Variants in EIF3H observed in about 807,000 individuals in gnomAD.
EIF3H encodes eukaryotic translation initiation factor 3 subunit H, also known as eIF-3-gamma.
EIF3H carries 26 observed loss-of-function variants against 44.2 expected under a neutral mutation model. That is an observed-to-expected ratio of 0.59 (90% confidence interval 0.43 to 0.82). The LOEUF (loss-of-function observed/expected upper bound fraction) is 0.82. Ranked by LOEUF, EIF3H falls within the 40% of genes least tolerant of loss-of-function variation. EIF3H has a pLI of 0.00. For synonymous variants in EIF3H, 166 were observed against 151.9 expected (o/e 1.09, Z -0.68); for missense variants, 359 against 432.8 (o/e 0.83, Z 1.51).
intron 1 of EIF3H, among the ~76,000 whole-genome samples, chr8:116,743,938 A>G (rs964920998): frequency 3.3e-5 from 5 of 151,888 alleles, no homozygotes; most frequent in Non-Finnish European, 7.4e-5. Flanking sequence ...CATTGAGAAG[A>G]TAACTTAGTC....
intron 5 of EIF3H, among the ~76,000 whole-genome samples, chr8:116,651,244 CAT>C (rs76010279): frequency 0.1 from 15,463 of 151,992 alleles, 1,166 homozygotes; most frequent in East Asian, 0.42. Context: ...GGTGGCAGAG[CAT>C]AGAGAAAAGT....
intron 2 of EIF3H, among the ~76,000 whole-genome samples, chr8:116,676,294 G>C (rs1390879625): frequency 6.6e-6 from 1 of 152,226 alleles, no homozygotes; most frequent in Non-Finnish European, 1.5e-5. Flanking sequence ...CTGCTATAAA[G>C]AACTGCCTGA....
At chr8:116,676,862 T>G (rs1035971876) in intron 2 of EIF3H, among the ~76,000 whole-genome samples, 1 of 152,202 alleles carries the variant, frequency 6.6e-6, no homozygotes, top group Non-Finnish European at 1.5e-5. Flanking sequence ...TGTCTTGTTT[T>G]GTCTACATTT....
chr8:116,721,946 T>C (rs1055820678), intron 2 of EIF3H, among the ~76,000 whole-genome samples: 5 of 152,206 alleles, frequency 3.3e-5, no homozygotes, highest in African/African-American at 7.2e-5. Flanking sequence ...CTGTGGACTT[T>C]TGAGTTAATG....
At chr8:116,648,216 T>C (rs936009918) in intron 6 of EIF3H, among the ~76,000 whole-genome samples, 1 of 152,204 alleles carries the variant, frequency 6.6e-6, no homozygotes, top group Non-Finnish European at 1.5e-5. Flanking sequence ...TAGAGCAGTA[T>C]AGTCCAAATA....
intron 1 of EIF3H, among the ~76,000 whole-genome samples, chr8:116,728,686 C>A (rs1398410335): frequency 1.3e-5 from 2 of 152,110 alleles, no homozygotes; most frequent in Admixed American, 1.3e-4. Flanking sequence ...CCTACACATT[C>A]CTGTATGAAA....
At chr8:116,743,844 A>G (rs1815183594) in intron 1 of EIF3H, among the ~76,000 whole-genome samples, 1 of 147,972 alleles carries the variant, frequency 6.8e-6, no homozygotes, top group Middle Eastern at 3.6e-3. Context: ...ACACATATAT[A>G]AATAAGTTGG....
intron 1 of EIF3H, among the ~76,000 whole-genome samples, chr8:116,752,881 AG>A (rs1815383411): frequency 6.6e-6 from 1 of 151,874 alleles, no homozygotes; most frequent in Non-Finnish European, 1.5e-5. Flanking sequence ...GAAGAGTTTA[AG>A]GAAGGAGTTT....
At chr8:116,647,342 C>T (rs1813320848) in intron 6 of EIF3H, among the ~76,000 whole-genome samples, 1 of 152,184 alleles carries the variant, frequency 6.6e-6, no homozygotes, top group Non-Finnish European at 1.5e-5. Context: ...CCTCGTGATC[C>T]ACCCGCCTCG....
intron 2 of EIF3H, among the ~76,000 whole-genome samples, chr8:116,681,435 G>A (rs535911366): frequency 2.0e-5 from 3 of 152,184 alleles, no homozygotes; most frequent in Admixed American, 6.5e-5. Flanking sequence ...GGGAGGTCGA[G>A]GCGGGCGGAT....
chr8:116,679,438 G>A (rs1586451071), intron 2 of EIF3H, among the ~76,000 whole-genome samples: 4 of 51,798 alleles, frequency 7.7e-5, no homozygotes, highest in Non-Finnish European at 1.2e-4. Flanking sequence ...CTGGCCAGCC[G>A]CCCCGTCCGG....
intron 1 of EIF3H, among the ~76,000 whole-genome samples, chr8:116,729,532 C>T (rs1367321549): frequency 6.6e-6 from 1 of 152,098 alleles, no homozygotes; most frequent in Admixed American, 6.6e-5. Context: ...TAGAATACAG[C>T]GCTCCAAGTA....
chr8:116,713,909 T>C (rs1814616508), intron 2 of EIF3H, among the ~76,000 whole-genome samples: 1 of 152,114 alleles, frequency 6.6e-6, no homozygotes, highest in Non-Finnish European at 1.5e-5. Flanking sequence ...GCATACATAA[T>C]GCTTCTAAAA....
intron 2 of EIF3H, among the ~76,000 whole-genome samples, chr8:116,720,531 G>C (rs1356579070): frequency 6.6e-6 from 1 of 152,148 alleles, no homozygotes; most frequent in African/African-American, 2.4e-5. Context: ...GACTAATACA[G>C]TAAATTGGTA....
chr8:116,702,416 T>C (rs1041208948), intron 2 of EIF3H, among the ~76,000 whole-genome samples: 1 of 152,228 alleles, frequency 6.6e-6, no homozygotes, highest in African/African-American at 2.4e-5. Flanking sequence ...AATCATTTCC[T>C]ATACCAGTCA....
chr8:116,744,196 T>G (rs1586490249), intron 1 of EIF3H, among the ~76,000 whole-genome samples: 1 of 135,040 alleles, frequency 7.4e-6, no homozygotes, highest in African/African-American at 2.8e-5. Flanking sequence ...CAGGGAGAGG[T>G]GGAAACATAG....
chr8:116,740,129 T>C (rs1815106130), intron 1 of EIF3H, among the ~76,000 whole-genome samples: 1 of 152,194 alleles, frequency 6.6e-6, no homozygotes, highest in Non-Finnish European at 1.5e-5. Flanking sequence ...CCATACCTCA[T>C]ACTTTGAATA....
At chr8:116,682,175 A>C (rs1385435020) in intron 2 of EIF3H, among the ~76,000 whole-genome samples, 1 of 152,208 alleles carries the variant, frequency 6.6e-6, no homozygotes, top group Admixed American at 6.5e-5. Flanking sequence ...CAGAATTAAA[A>C]TCAGTTGAAG....
At chr8:116,729,723 T>C (rs1814919573) in intron 1 of EIF3H, among the ~76,000 whole-genome samples, 1 of 152,126 alleles carries the variant, frequency 6.6e-6, no homozygotes, top group Non-Finnish European at 1.5e-5. Flanking sequence ...AAGCTTAAAA[T>C]CCTGTGATGA....
Sources: allele counts gnomAD v4.1 joint callset (sites outside exome capture counted in the v4.1 genomes callset), GRCh38; gene constraint gnomAD v4.1.1; transcripts MANE v1.5; gene names NCBI Gene and HGNC (gene_info 2026-07-23, HGNC 2026-07-21).